The following KIF12 variants were observed in gnomAD, a reference collection of about 807,000 sequenced individuals.
The protein encoded by KIF12 is kinesin family member 12, also known as kinesin-like protein KIF12.
In KIF12, 80 loss-of-function variants were observed where a neutral mutation model predicts 87.9. The ratio of observed to expected loss-of-function variants is 0.91; its 90% confidence interval spans 0.76 to 1.10. The LOEUF is 1.10. Ranked by LOEUF, KIF12 falls within the 50% of genes least tolerant of loss-of-function variation. The probability of loss-of-function intolerance (pLI) is 0.00; values close to 1 mark genes in which losing one functional copy is unlikely to be tolerated. For synonymous variants in KIF12, 353 were observed against 348.5 expected, an observed-to-expected ratio of 1.01 and a Z score of -0.14; for missense variants, 819 against 865.3, an observed-to-expected ratio of 0.95 and a Z score of 0.67.
chr9:114,093,046 G>A (rs1847060156), intron 16 of KIF12, 183 bp downstream of exon 16: 6 of 1,170,868 alleles, frequency 5.1e-6, no homozygotes, highest in Non-Finnish European at 7.1e-6. Flanking sequence ...GGCAGGGTGA[G>A]GAGGGGGGAG....
At chr9:114,098,832 AC>A (rs1190895601) in intron 3 of KIF12, 102 bp downstream of exon 3, 2 of 1,321,214 alleles carry the variant, frequency 1.5e-6, no homozygotes, top group African/African-American at 2.9e-5. Context: ...CTGGGAGAGG[AC>A]CACTCCGGGG....
At chr9:114,099,201 C>T (rs925005888) in intron 1 of KIF12, 32 bp from the exon 2 acceptor site, 4 of 1,551,098 alleles carry the variant, frequency 2.6e-6, no homozygotes, top group Non-Finnish European at 3.5e-6. Flanking sequence ...ATCATACCTG[C>T]ACCTAGCGGC....
chr9:114,092,222 A>G, intron 18 of KIF12, 111 bp downstream of exon 18: 1 of 1,481,350 alleles, frequency 6.8e-7, no homozygotes, highest in Non-Finnish European at 9.0e-7. Flanking sequence ...CTTAGAAGCC[A>G]CCTCTCAACA....
intron 6 of KIF12, 35 bp downstream of exon 6, chr9:114,097,572 C>G (rs62556540): frequency 6.2e-7 from 1 of 1,612,304 alleles, no homozygotes; most frequent in South Asian, 1.1e-5. Flanking sequence ...TCCGTTTCCT[C>G]ATGGGCTGTC....
At chr9:114,093,798 G>A (rs1847090671) in intron 14 of KIF12, 88 bp downstream of exon 14, 1 of 1,167,006 alleles carries the variant, frequency 8.6e-7, no homozygotes, top group African/African-American at 1.5e-5. Flanking sequence ...TGAATCCAGA[G>A]GCCAGCCTCA....
rs764636382 is a variant in KIF12 at position 114,092,582 on chromosome 9, G to T, written c.1657C>A (p.Pro553Thr). 1.3e-5 allele frequency: 21 copies of T among 1,607,480 alleles called. No homozygotes were observed. In the South Asian group the frequency reaches 1.8e-4, roughly 14 times the overall value. ...PPSARPPPWA[P>T]PCSPGSAKCP... ...TTGGCAGAGCCAGGGCTGCATGGGG[G>T]TGCCCAGGGTGGGGGCCGGGCAGAT... The change falls in exon 17 of 19, where the codon CCC (proline) becomes ACC (threonine). Residue 553 changes from proline to threonine, a missense_variant. Physicochemically the swap from Pro to Thr is conservative, Grantham distance 38. Coordinates refer to ENST00000640217, the MANE Select transcript of KIF12 (RefSeq NM_001388308.1).
At position 114,098,228 on chromosome 9, in the gene KIF12, A is replaced by T. The variant is rs1378921924; in HGVS notation, c.300-38T>A. 3 of 1,520,086 alleles carry T rather than the reference A, an allele frequency of 2.0e-6. No homozygotes were observed. In the South Asian group the frequency reaches 3.7e-5, roughly 19 times the overall value. 94.2% of individuals were successfully genotyped at this position (1,520,086 alleles called of 1,614,324 possible). On this transcript the variant is annotated intron_variant, in intron 4 of 18. Transcript: ENST00000640217. ...AGGGCGTGGCTGGACTCCGGCGGCTACCCGGGGTGGGGGCTGGGGGTGCTT... is the reference window on the plus strand; with the variant it reads ...AGGGCGTGGCTGGACTCCGGCGGCTTCCCGGGGTGGGGGCTGGGGGTGCTT...
chr9:114,094,295 G>T, intron 12 of KIF12, 24 bp from the exon 13 acceptor site: 1 of 1,612,194 alleles, frequency 6.2e-7, no homozygotes, highest in Non-Finnish European at 8.5e-7. Context: ...GGAGGTGGTG[G>T]ATCCACAGGA....
At chr9:114,098,469 A>G (rs1588509609) in intron 3 of KIF12, 40 bp from the exon 4 acceptor site, 1 of 1,267,062 alleles carries the variant, frequency 7.9e-7, no homozygotes. Flanking sequence ...ACTCTGGAGG[A>G]GGGCGGGGCA....
chr9:114,097,920 C>A, intron 5 of KIF12, 179 bp from the exon 6 acceptor site: 1 of 964,032 alleles, frequency 1.0e-6, no homozygotes, highest in Non-Finnish European at 1.5e-6. Context: ...TAGGAAGGGG[C>A]CAAAGTTGAA....
rs1847063393 is a variant in KIF12, at chr9:114,093,089, G to A, written c.1596+140C>T. On this transcript the variant is annotated intron_variant, in intron 16 of 18. Transcript: ENST00000640217. Reference sequence around the variant, plus strand: ...CAAACAGCTATTTCAAACCAGGGCAGAGGGAGCCCTAGGCCAGCCATTCAC... The same window carrying A: ...CAAACAGCTATTTCAAACCAGGGCAAAGGGAGCCCTAGGCCAGCCATTCAC... 9.9e-6 allele frequency: 11 copies of A among 1,108,654 alleles called. No individual in the cohort carries two copies. In the East Asian group the frequency reaches 2.8e-4, roughly 29 times the overall value. 68.7% of individuals were successfully genotyped at this position (1,108,654 alleles called of 1,614,324 possible). A position where few individuals can be genotyped will look rare whatever the true frequency, so the allele number is the denominator to read the frequency against.
chr9:114,098,020 C>T, intron 5 of KIF12, 95 bp downstream of exon 5: 1 of 1,253,582 alleles, frequency 8.0e-7, no homozygotes, highest in South Asian at 1.5e-5. Context: ...GTCGTCCCAG[C>T]CCCTTCCCTC....
chr9:114,093,307 G>T lies in KIF12; in HGVS notation c.1518C>A (p.Pro506=). The change falls in exon 16 of 19, where the codon CCC becomes CCA. Residue 506 remains proline, a synonymous_variant. Transcript: ENST00000640217. The part of the protein sequence containing the change: ...CHALPPLYSC[P]CCHICPLCRV... The stretch of plus-strand genomic sequence containing the variant: ...GACACAGTGGGCAGATGTGGCAGCA[G>T]GGGCAGGAGTAGAGGGGTGGCAGTG... 6.4e-7 allele frequency: 1 copy of T among 1,560,644 alleles called. No individual in the cohort carries two copies. The highest frequency in any genetic ancestry group is 2.4e-5 in the East Asian group (1 of 42,092).
At chr9:114,097,814 C>CCTCT (rs1847301071) in intron 5 of KIF12, 73 bp from the exon 6 acceptor site, 2 of 1,499,860 alleles carry the variant, frequency 1.3e-6, no homozygotes, top group Non-Finnish European at 1.8e-6. Context: ...TGTATGATAC[C>CCTCT]GTGCGCCGGG....
intron 9 of KIF12, 103 bp downstream of exon 9, chr9:114,095,948 T>C (rs866893118): frequency 3.8e-6 from 5 of 1,321,758 alleles, no homozygotes; most frequent in South Asian, 2.9e-5. Flanking sequence ...TCTTTAACCC[T>C]CTTCTATTTA....
chr9:114,096,237 G>T (rs1389199287), intron 8 of KIF12, 30 bp from the exon 9 acceptor site: 1 of 1,612,752 alleles, frequency 6.2e-7, no homozygotes, highest in Admixed American at 1.7e-5. Flanking sequence ...TGGGGACTTG[G>T]GAGGGACCGT....
Position 114,094,269 on chromosome 9 carries a change from A to C in KIF12, c.1225T>G (p.Ser409Ala). The C allele has an allele frequency of 6.2e-7, 1 of 1,613,744 alleles. No homozygotes were observed. Among genetic ancestry groups the C allele is most frequent in the Non-Finnish European group, 8.5e-7 (1 of 1,179,688 alleles). ...FQLDQMDCKA[S>A]GLSGARVAWA... ...GCCACCCGGGCTCCACTGAGCCCTG[A>C]GGCTGCAGGGAAGCAGGAGGTGGTG... Residue 409 changes from serine (S) to alanine (A), a missense_variant and splice_region_variant, in exon 13 of 19, where the codon TCA (serine) becomes GCA (alanine). Transcript: ENST00000640217.
In KIF12 at chr9:114,095,229, G is replaced by A. The variant is rs145086953; in HGVS notation, c.999C>T (p.Arg333=). The change falls in exon 10 of 19, where the codon CGC becomes CGT. Residue 333 remains arginine, a synonymous_variant. Transcript: ENST00000640217. ...TKLLADSLGG[R]GVTLMVACVS... is the part of the protein sequence containing the mutation. ...GCTTAAGTACCATGAGGGTGACCCC[G>A]CGCCCTCCCAGTGAGTCTGCCAGCA... 1.5e-4 allele frequency: 246 copies of A among 1,613,692 alleles called. No homozygotes were observed. Among genetic ancestry groups the A allele is most frequent in the Middle Eastern group, 3.3e-4 (2 of 6,060 alleles).
chr9:114,097,921 C>A, intron 5 of KIF12, 180 bp from the exon 6 acceptor site: 1 of 958,192 alleles, frequency 1.0e-6, no homozygotes. Flanking sequence ...AGGAAGGGGC[C>A]AAAGTTGAAG....
Sources: allele counts gnomAD v4.1 joint callset, GRCh38; gene constraint gnomAD v4.1.1; transcripts MANE v1.5; gene names NCBI Gene and HGNC (gene_info 2026-07-23, HGNC 2026-07-21).